MMP8: variants seen among roughly 807,000 people sequenced by gnomAD.
The protein encoded by MMP8 is matrix metallopeptidase 8.
Under a neutral mutation model 51.2 loss-of-function variants are expected in MMP8, and 67 were observed. The ratio of observed to expected loss-of-function variants is 1.31; its 90% CI spans 1.08 to 1.60. The LOEUF (loss-of-function observed/expected upper bound fraction) is 1.60. Ranked by LOEUF, MMP8 falls within the 40% of genes most tolerant of loss-of-function variation. MMP8 has a pLI of 0.00. For missense variants in MMP8, 654 were observed against 558.1 expected, an observed-to-expected ratio of 1.17 and a Z score of -1.73; for synonymous variants, 225 against 191.0, an observed-to-expected ratio of 1.18 and a Z score of -1.47.
chr11:102,723,429 A>C (rs1487014638), intron 1 of MMP8: 1 of 426,778 alleles, frequency 2.3e-6, no homozygotes, highest in Non-Finnish European at 4.7e-6. Context: ...GCTATAACAG[A>C]ATATCTGAAG....
chr11:102,721,342 T>G (rs374981592), intron 4 of MMP8, 59 bp downstream of exon 4: 1 of 1,343,402 alleles, frequency 7.4e-7, no homozygotes, highest in East Asian at 2.4e-5. Flanking sequence ...GTGTGTGTAT[T>G]CTAATCTGTA....
At chr11:102,721,356 G>T (rs533148832) in intron 4 of MMP8, 45 bp downstream of exon 4, 5 of 1,604,166 alleles carry the variant, frequency 3.1e-6, no homozygotes, top group East Asian at 2.2e-5. Flanking sequence ...ATCTGTAAAA[G>T]GTTAATTCAG....
At chr11:102,722,881 T>C in intron 1 of MMP8, 3 of 1,033,234 alleles carry the variant, frequency 2.9e-6, no homozygotes, top group Non-Finnish European at 4.1e-6. Context: ...TTAATGGTTA[T>C]GCATAAAAAA....
chr11:102,715,195 C>G (rs887235123), intron 7 of MMP8, 109 bp downstream of exon 7: 22 of 1,357,756 alleles, frequency 1.6e-5, no homozygotes, highest in Non-Finnish European at 2.2e-5. Context: ...AAAGCCTGGC[C>G]AGCTTAATGC....
Position 102,718,491 on chromosome 11 carries a change from T to A in MMP8, c.707A>T (p.Tyr236Phe). ...AHSSDPGALM[Y>F]PNYAFRETSN... Reference sequence around the variant, plus strand: ...GGTTTCCCTGAAAGCATAGTTGGGATACATCAAGGCACCAGGGTCAGAGGA... The same window carrying A: ...GGTTTCCCTGAAAGCATAGTTGGGAAACATCAAGGCACCAGGGTCAGAGGA... Residue 236 changes from tyrosine (Y) to phenylalanine (F), a missense_variant, in exon 5 of 10, where the codon TAT becomes TTT. Transcript: ENST00000236826. 1 of 1,613,830 alleles carries A rather than the reference T, an allele frequency of 6.2e-7. No individual in the cohort carries two copies. The highest frequency in any genetic ancestry group is 1.3e-5 in the African/African-American group (1 of 74,988).
rs1406691753 is a variant in MMP8 at position 102,713,120 on chromosome 11, T to C, written c.*228A>G. On this transcript the variant is annotated 3_prime_UTR_variant, in exon 10 of 10. Transcript: ENST00000236826. ...ACAAAAAGGCTTACTTTCCTTCTCTTTGATGGAATCACTAATGTAAGATGG... is the reference window on the plus strand; with the variant it reads ...ACAAAAAGGCTTACTTTCCTTCTCTCTGATGGAATCACTAATGTAAGATGG... 2.5e-6 allele frequency: 1 copy of C among 406,754 alleles called. No individual in the cohort carries two copies. The highest frequency in any genetic ancestry group is 2.1e-5 in the African/African-American group (1 of 48,280). 25.2% of individuals were successfully genotyped at this position (406,754 alleles called of 1,614,324 possible).
At position 102,722,451 on chromosome 11, in the gene MMP8, C is replaced by G; in HGVS notation, c.325G>C (p.Glu109Gln). The stretch of plus-strand genomic sequence containing the variant: ...CACCTGTAGGTCAAGTTAGTGCGTT[C>G]CCACTTGGGGTTTCCTGGGGTTAAC... ...FMLTPGNPKW[E>Q]RTNLTYRIRN... The change falls in exon 2 of 10, where the codon GAA (glutamate) becomes CAA (glutamine). Residue 109 changes from glutamate (E) to glutamine (Q), a missense_variant. Physicochemically the swap from Glu to Gln is conservative, Grantham distance 29 (BLOSUM62 2). Transcript: ENST00000236826. 1.2e-6 allele frequency: 2 copies of G among 1,613,688 alleles called. No homozygotes were observed. The highest frequency in any genetic ancestry group is 1.7e-6 in the Non-Finnish European group (2 of 1,179,748).
chr11:102,718,361 T>C lies in MMP8; in HGVS notation c.784+53A>G. On this transcript the variant is annotated intron_variant, in intron 5 of 9. Coordinates refer to ENST00000236826, the MANE Select transcript of MMP8 (RefSeq NM_002424.3). ...AGAGATATTCAGATTCTGGGAGTGT[T>C]CGCCTATTCCCAGGTCCTACCATGT... 14 of 1,530,116 alleles carry C rather than the reference T, an allele frequency of 9.1e-6. No homozygotes were observed. In the South Asian group the frequency reaches 1.7e-4, roughly 18 times the overall value. 94.8% of individuals were successfully genotyped at this position (1,530,116 alleles called of 1,614,324 possible).
rs1268564425 is a variant in MMP8 at position 102,713,802 on chromosome 11, C to T, written c.1246G>A (p.Ala416Thr). 1.2e-6 allele frequency: 2 copies of T among 1,612,548 alleles called. No homozygotes were observed. Among genetic ancestry groups the T allele is most frequent in the Admixed American group, 3.3e-5 (2 of 59,802 alleles). Residue 416 changes from alanine (A) to threonine (T), a missense_variant, in exon 9 of 10, where the codon GCC becomes ACC. By Grantham distance (58) the Ala-to-Thr change is moderately conservative. Transcript: ENST00000236826. ...ACTTTACTCTCTATTCCTGGAAAGG[C>T]ACCTGATATGCTTTTGGGATAACCT... ...EPGYPKSISG[A>T]FPGIESKVDA...
At chr11:102,715,877 G>T (rs1219834309) in intron 6 of MMP8, among the ~76,000 whole-genome samples, 1 of 152,186 alleles carries the variant, frequency 6.6e-6, no homozygotes, top group Admixed American at 6.5e-5. Context: ...CTAGCTAAGC[G>T]CAGGTTCCAT....
At chr11:102,724,626 G>T in intron 1 of MMP8, 128 bp downstream of exon 1, 1 of 797,666 alleles carries the variant, frequency 1.3e-6, no homozygotes, top group Non-Finnish European at 1.9e-6. Flanking sequence ...ACTAAAAGGA[G>T]ATGTTCAATC....
intron 4 of MMP8, among the ~76,000 whole-genome samples, chr11:102,719,321 T>C (rs1354209100): frequency 6.6e-6 from 1 of 152,188 alleles, no homozygotes; most frequent in Non-Finnish European, 1.5e-5. Context: ...CCTTTTAACA[T>C]GAATCCTTCA....
At chr11:102,722,790 A>G (rs1861514268) in intron 1 of MMP8, 117 bp from the exon 2 acceptor site, 1 of 1,416,532 alleles carries the variant, frequency 7.1e-7, no homozygotes, top group African/African-American at 1.4e-5. Context: ...CCACAGGAAC[A>G]ATAACACAAA....
intron 7 of MMP8, 135 bp downstream of exon 7, chr11:102,715,169 C>T: frequency 1.8e-6 from 2 of 1,091,458 alleles, no homozygotes; most frequent in African/African-American, 1.6e-5. Context: ...TGGGGCCCAA[C>T]CCTAGTCTTC....
intron 1 of MMP8, among the ~76,000 whole-genome samples, chr11:102,724,392 C>G (rs926828035): frequency 7.9e-5 from 12 of 152,060 alleles, no homozygotes; most frequent in Non-Finnish European, 1.8e-4. Context: ...TATGGAAGCA[C>G]CAGACATATA....
Position 102,722,589 on chromosome 11 carries a change from G to A in MMP8, c.187C>T (p.Leu63Phe). The A allele has an allele frequency of 1.2e-6, 2 of 1,613,966 alleles. No homozygotes were observed. Among genetic ancestry groups the A allele is most frequent in the Non-Finnish European group, 1.7e-6 (2 of 1,179,856 alleles). ...CCAAAAAATCGCTGCATTTCTTTAA[G>A]CTTTTCAACGATCACATTAGTGCCA... ...KNGTNVIVEK[L>F]KEMQRFFGLN... is the part of the protein sequence containing the mutation. The change falls in exon 2 of 10, where the codon CTT (leucine) becomes TTT (phenylalanine). Residue 63 changes from leucine to phenylalanine, a missense_variant. Physicochemically the swap from Leu to Phe is conservative, Grantham distance 22 (BLOSUM62 0). Coordinates refer to ENST00000236826, the MANE Select transcript of MMP8 (RefSeq NM_002424.3).
intron 2 of MMP8, among the ~76,000 whole-genome samples, chr11:102,722,196 G>C (rs5011635): frequency 4.5e-5 from 1 of 22,302 alleles, no homozygotes; most frequent in Non-Finnish European, 7.5e-5. Flanking sequence ...TAACATTGCT[G>C]GTAGTCCTCT....
Position 102,722,633 on chromosome 11 carries a change from T to C in MMP8, c.143A>G (p.Tyr48Cys). 6.2e-7 allele frequency: 1 copy of C among 1,613,802 alleles called. No homozygotes were observed. Among genetic ancestry groups the C allele is most frequent in the Non-Finnish European group, 8.5e-7 (1 of 1,179,756 alleles). The change falls in exon 2 of 10, where the codon TAT (tyrosine) becomes TGT (cysteine). Residue 48 changes from tyrosine (Y) to cysteine (C), a missense_variant. Physicochemically the swap from Tyr to Cys is radical, Grantham distance 194. Coordinates refer to ENST00000236826, the MANE Select transcript of MMP8 (RefSeq NM_002424.3). ...AGTGCCATTCTTCCTTGTAGACTGA[T>C]ACTGGTTGCTTGGTAATTGGTAGAA... ...EKFYQLPSNQ[Y>C]QSTRKNGTNV...
At position 102,713,190 on chromosome 11, in the gene MMP8, C is replaced by A; in HGVS notation, c.*158G>T. ...AGCCTCTGCAAATAGTGGAATATTC[C>A]AAACATATTTTCACGGAGGACAGGT... On this transcript the variant is annotated 3_prime_UTR_variant, in exon 10 of 10. Coordinates refer to ENST00000236826, the MANE Select transcript of MMP8 (RefSeq NM_002424.3). The A allele has an allele frequency of 1.7e-6, 1 of 583,178 alleles. No homozygotes were observed. The highest frequency in any genetic ancestry group is 2.2e-5 in the South Asian group (1 of 46,284). The allele number at this position is 583,178 out of a possible 1,614,324, so 36.1% of individuals were successfully genotyped here. A position where few individuals can be genotyped will look rare whatever the true frequency, so the allele number is the denominator to read the frequency against.
Sources: gnomAD v4.1 joint callset for allele counts (sites outside exome capture counted in the v4.1 genomes callset) on GRCh38, gnomAD v4.1.1 for gene constraint, MANE v1.5 for transcripts, NCBI Gene and HGNC (gene_info 2026-07-23, HGNC 2026-07-21) for gene names.